NKAIN2: variants seen among roughly 807,000 people sequenced by gnomAD.
NKAIN2 encodes sodium/potassium-transporting ATPase subunit beta-1-interacting protein 2.
In NKAIN2, 14 loss-of-function variants were observed where a neutral mutation model predicts 32.6. That is an observed-to-expected ratio of 0.43 (90% CI 0.28 to 0.67). The LOEUF (loss-of-function observed/expected upper bound fraction) is 0.67, where lower values mean the gene tolerates loss of function less well. Ranked by LOEUF, NKAIN2 falls within the 30% of genes least tolerant of loss-of-function variation. The probability of loss-of-function intolerance (pLI) is 0.17; values close to 1 mark genes in which losing one functional copy is unlikely to be tolerated. For missense variants in NKAIN2, 198 were observed against 258.3 expected, an observed-to-expected ratio of 0.77 and a Z score of 1.60; for synonymous variants, 80 against 87.2, an observed-to-expected ratio of 0.92 and a Z score of 0.46.
intron 3 of NKAIN2, among the ~76,000 whole-genome samples, chr6:124,412,951 A>AT (rs1774278587): frequency 1.3e-5 from 2 of 152,186 alleles, no homozygotes; most frequent in South Asian, 4.1e-4. Flanking sequence ...GCAAGGCTCC[A>AT]TGGGCGTAGG....
At chr6:124,114,214 G>T (rs896674618) in intron 1 of NKAIN2, among the ~76,000 whole-genome samples, 2 of 152,088 alleles carry the variant, frequency 1.3e-5, no homozygotes, top group African/African-American at 2.4e-5. Context: ...TTTTAATGAG[G>T]TCTTAATTAG....
chr6:124,229,845 ATC>A (rs769809867), intron 1 of NKAIN2, among the ~76,000 whole-genome samples: 3 of 152,116 alleles, frequency 2.0e-5, no homozygotes, highest in Non-Finnish European at 4.4e-5. Flanking sequence ...AGTCTGTTAA[ATC>A]TCTTTTTCTT....
At chr6:124,083,539 G>A (rs1784065853) in intron 1 of NKAIN2, among the ~76,000 whole-genome samples, 1 of 151,640 alleles carries the variant, frequency 6.6e-6, no homozygotes, top group African/African-American at 2.4e-5. Context: ...AGCAATGGCT[G>A]TTTCATCAAT....
chr6:124,113,746 C>T (rs1785489733), intron 1 of NKAIN2, among the ~76,000 whole-genome samples: 1 of 152,248 alleles, frequency 6.6e-6, no homozygotes, highest in African/African-American at 2.4e-5. Flanking sequence ...CACACTGAGA[C>T]AAGGGTGTCT....
At chr6:124,436,355 A>G (rs957246038) in intron 3 of NKAIN2, among the ~76,000 whole-genome samples, 1 of 152,152 alleles carries the variant, frequency 6.6e-6, no homozygotes, top group African/African-American at 2.4e-5. Context: ...GGACTTTTCC[A>G]ATTAAAGCAG....
chr6:124,486,365 G>T lies in NKAIN2; in HGVS notation c.273+131018G>T, dbSNP rs372091069. ...CACAAAGCCCTTCGATAGAAAAATT[G>T]TGAAAAAAACCTCTTACTCCTTTAT... is the stretch of plus-strand genomic sequence containing the variant. On this transcript the variant is annotated intron_variant, in intron 3 of 6. Transcript: ENST00000368417. Among the ~76,000 whole-genome samples, 6 of 152,110 alleles carry T rather than the reference G, an allele frequency of 3.9e-5. No individual in the cohort carries two copies. The South Asian group carries it at 6.2e-4, about 16-fold the overall frequency.
At position 124,543,324 on chromosome 6, in the gene NKAIN2, C is replaced by T. The variant is rs370400554; in HGVS notation, c.274-114862C>T. On this transcript the variant is annotated intron_variant, in intron 3 of 6. Transcript: ENST00000368417. ...GCCAAATAATTAATACCTTTACAAG[C>T]ACATCATAAAATATAGATTAGTAAA... Among the ~76,000 whole-genome samples, 10 of 152,214 alleles carry T rather than the reference C, an allele frequency of 6.6e-5. No homozygotes were observed. The East Asian group carries it at 1.2e-3, about 18-fold the overall frequency.
chr6:124,557,049 CA>C (rs1412431330), intron 3 of NKAIN2, among the ~76,000 whole-genome samples: 2 of 151,974 alleles, frequency 1.3e-5, no homozygotes, highest in Non-Finnish European at 2.9e-5. Flanking sequence ...TGATAAACAC[CA>C]GAACAAAAAT....
intron 3 of NKAIN2, among the ~76,000 whole-genome samples, chr6:124,604,280 G>A (rs1201530969): frequency 5.9e-5 from 9 of 151,874 alleles, no homozygotes; most frequent in Non-Finnish European, 1.0e-4. Flanking sequence ...AAATTAAATA[G>A]GAATACTAAA....
At chr6:124,358,498 G>T (rs1799102104) in intron 3 of NKAIN2, among the ~76,000 whole-genome samples, 1 of 152,020 alleles carries the variant, frequency 6.6e-6, no homozygotes, top group Non-Finnish European at 1.5e-5. Context: ...TCTCATTGTG[G>T]TTTTGATTTG....
intron 3 of NKAIN2, among the ~76,000 whole-genome samples, chr6:124,474,127 G>T (rs1194565289): frequency 1.3e-5 from 2 of 151,674 alleles, no homozygotes; most frequent in African/African-American, 4.8e-5. Flanking sequence ...TAAGAGACAG[G>T]TTTCTCGCTC....
chr6:123,896,275 A>G (rs1297066939), intron 1 of NKAIN2, among the ~76,000 whole-genome samples: 1 of 152,212 alleles, frequency 6.6e-6, no homozygotes, highest in Non-Finnish European at 1.5e-5. Flanking sequence ...ACATAGGTAC[A>G]GTTACCTTCA....
intron 3 of NKAIN2, among the ~76,000 whole-genome samples, chr6:124,432,210 G>C (rs1031688574): frequency 6.6e-6 from 1 of 152,068 alleles, no homozygotes; most frequent in African/African-American, 2.4e-5. Flanking sequence ...AGAAAGTCAG[G>C]GAATTTCAAA....
intron 1 of NKAIN2, among the ~76,000 whole-genome samples, chr6:123,901,146 TATAATCTCC>T (rs1774567816): frequency 6.6e-6 from 1 of 152,202 alleles, no homozygotes; most frequent in Admixed American, 6.5e-5. Context: ...CACTTTGAAC[TATAATCTCC>T]ATAGAAGAAC....
intron 3 of NKAIN2, among the ~76,000 whole-genome samples, chr6:124,534,812 A>G (rs560682878): frequency 1.8e-3 from 269 of 152,204 alleles, no homozygotes; most frequent in African/African-American, 6.2e-3. Context: ...AAATCTGACC[A>G]TAAGGTCTGT....
chr6:124,223,761 C>T (rs992722915), intron 1 of NKAIN2, among the ~76,000 whole-genome samples: 17 of 152,000 alleles, frequency 1.1e-4, no homozygotes, highest in African/African-American at 4.1e-4. Flanking sequence ...GACATTCTTC[C>T]CTATTGAGAG....
At chr6:124,153,677 G>A (rs1319854577) in intron 1 of NKAIN2, among the ~76,000 whole-genome samples, 1 of 151,526 alleles carries the variant, frequency 6.6e-6, no homozygotes, top group Non-Finnish European at 1.5e-5. Flanking sequence ...TCTAGAATAT[G>A]AATATGCTGT....
chr6:124,433,831 G>T (rs901338974), intron 3 of NKAIN2, among the ~76,000 whole-genome samples: 5 of 152,078 alleles, frequency 3.3e-5, no homozygotes, highest in African/African-American at 1.2e-4. Flanking sequence ...TTCTATCCAC[G>T]TGCACCTCTT....
At chr6:123,853,154 C>A (rs1775420436) in intron 1 of NKAIN2, among the ~76,000 whole-genome samples, 1 of 152,032 alleles carries the variant, frequency 6.6e-6, no homozygotes, top group Non-Finnish European at 1.5e-5. Context: ...TTTTTTGGAT[C>A]AGTTTCCTAT....
Sources: gnomAD v4.1 joint callset for allele counts (sites outside exome capture counted in the v4.1 genomes callset) on GRCh38, gnomAD v4.1.1 for gene constraint, MANE v1.5 for transcripts, NCBI Gene and HGNC (gene_info 2026-07-23, HGNC 2026-07-21) for gene names.